Variants in PCDHGC3 observed in about 807,000 individuals in gnomAD.
The protein encoded by PCDHGC3 is protocadherin gamma-C3.
In PCDHGC3, 26 loss-of-function variants were observed where a neutral mutation model predicts 59.2. That is an observed-to-expected ratio of 0.44 (90% CI 0.32 to 0.61). PCDHGC3 has a LOEUF of 0.61. PCDHGC3 is among the 20% of genes least tolerant of loss of function. The pLI is 0.05. For synonymous variants in PCDHGC3, 487 were observed against 519.7 expected (o/e 0.94, Z 0.86); for missense variants, 1,080 against 1,221.8 (o/e 0.88, Z 1.73).
chr5:141,478,612 G>A (rs1311028260), intron 1 of PCDHGC3, 66 bp downstream of exon 1: 2 of 1,558,218 alleles, frequency 1.3e-6, no homozygotes, highest in African/African-American at 1.4e-5. Flanking sequence ...TATTGAGGAA[G>A]GAATGGAGCT....
chr5:141,482,404 A>C (rs1262544355), intron 1 of PCDHGC3, among the ~76,000 whole-genome samples: 1 of 152,076 alleles, frequency 6.6e-6, no homozygotes, highest in Non-Finnish European at 1.5e-5. Flanking sequence ...GTACTCAATA[A>C]CTATTTGTTG....
rs2099634686 is a variant in PCDHGC3 at position 141,486,772 on chromosome 5, T to G, written c.2431-8035T>G. 1 of 1,614,246 alleles carries G rather than the reference T, an allele frequency of 6.2e-7. No individual in the cohort carries two copies. The highest frequency in any genetic ancestry group is 8.5e-7 in the Non-Finnish European group (1 of 1,180,042). Reference sequence around the variant, plus strand: ...ATGAGCAAACCCAGACACTGCAGTTTGAGGTGCAGGCCCGGGATCGGGGCA... The same window carrying G: ...ATGAGCAAACCCAGACACTGCAGTTGGAGGTGCAGGCCCGGGATCGGGGCA... On this transcript the variant is annotated intron_variant, in intron 1 of 3. Coordinates refer to ENST00000308177, the MANE Select transcript of PCDHGC3 (RefSeq NM_002588.4). This position sits in a 1 kb window ranked among gnomAD's most constrained non-coding sequence, Gnocchi z 5.0.
Position 141,476,657 on chromosome 5 carries a change from G to A in PCDHGC3, c.541G>A (p.Ala181Thr), listed in dbSNP as rs759887729. Residue 181 changes from alanine to threonine, a missense_variant, in exon 1 of 4, where the codon GCG (alanine) becomes ACG (threonine). By Grantham distance (58) the Ala-to-Thr change is moderately conservative (BLOSUM62 0). Coordinates refer to ENST00000308177, the MANE Select transcript of PCDHGC3 (RefSeq NM_002588.4). This position sits in a 1 kb window ranked among gnomAD's most constrained non-coding sequence, Gnocchi z 7.6. ...TGAGCTGAGCCGAAATGAATACTTTGCGCTTCGCGTGCAGACGCGGGAGGA... is the reference window on the plus strand; with the variant it reads ...TGAGCTGAGCCGAAATGAATACTTTACGCTTCGCGTGCAGACGCGGGAGGA... ...TYELSRNEYF[A>T]LRVQTREDST... 1.9e-6 allele frequency: 3 copies of A among 1,614,140 alleles called. No homozygotes were observed. Among genetic ancestry groups the A allele is most frequent in the Non-Finnish European group, 2.5e-6 (3 of 1,180,060 alleles).
At chr5:141,481,560 G>A (rs1594155886) in intron 1 of PCDHGC3, among the ~76,000 whole-genome samples, 1 of 152,212 alleles carries the variant, frequency 6.6e-6, no homozygotes, top group Non-Finnish European at 1.5e-5. Flanking sequence ...GCTCACGCCT[G>A]TAATCCCAGT....
At position 141,486,891 on chromosome 5, in the gene PCDHGC3, G is replaced by A. The variant is rs201201426; in HGVS notation, c.2431-7916G>A. 38 of 1,614,118 alleles carry A rather than the reference G, an allele frequency of 2.4e-5. No individual in the cohort carries two copies. The highest frequency in any genetic ancestry group is 3.1e-5 in the Non-Finnish European group (37 of 1,180,064). Reference sequence around the variant, plus strand: ...GTGCTCCGTCCTCGGGCCCGGCCTGGTTCCTTATGTCCCCAAGCACTGCCT... The same window carrying A: ...GTGCTCCGTCCTCGGGCCCGGCCTGATTCCTTATGTCCCCAAGCACTGCCT... On this transcript the variant is annotated intron_variant, in intron 1 of 3. Coordinates refer to ENST00000308177, the MANE Select transcript of PCDHGC3 (RefSeq NM_002588.4). This position sits in a 1 kb window ranked among gnomAD's most constrained non-coding sequence, Gnocchi z 5.0.
At position 141,487,791 on chromosome 5, in the gene PCDHGC3, C is replaced by T; in HGVS notation, c.2431-7016C>T. ...CTTTGTAACTGTTTCGTGAATTAAC[C>T]AGAGTTGTCACAGTTTAGCATTGGG... On this transcript the variant is annotated intron_variant, in intron 1 of 3. Coordinates refer to ENST00000308177, the MANE Select transcript of PCDHGC3 (RefSeq NM_002588.4). This position sits in a 1 kb window ranked among gnomAD's most constrained non-coding sequence, Gnocchi z 5.0. 6.6e-7 allele frequency: 1 copy of T among 1,510,152 alleles called. No individual in the cohort carries two copies. The highest frequency in any genetic ancestry group is 1.4e-5 in the African/African-American group (1 of 72,206). The allele number at this position is 1,510,152 out of a possible 1,614,324, so 93.5% of individuals were successfully genotyped here. A position where few individuals can be genotyped will look rare whatever the true frequency, so the allele number is the denominator to read the frequency against.
In PCDHGC3 at chr5:141,478,423, C is replaced by A. The variant is rs1355847104; in HGVS notation, c.2307C>A (p.Ser769Arg). The A allele has an allele frequency of 6.2e-7, 1 of 1,613,672 alleles. No individual in the cohort carries two copies. The highest frequency in any genetic ancestry group is 1.7e-5 in the Admixed American group (1 of 60,030). Reference sequence around the variant, plus strand: ...ATCTCACCACGGACTCCCGCCGCAGCGACCCGCTGCTGAAGAAACCTGGTG... The same window carrying A: ...ATCTCACCACGGACTCCCGCCGCAGAGACCCGCTGCTGAAGAAACCTGGTG... ...QVYLTTDSRR[S>R]DPLLKKPGAA... Residue 769 changes from serine (S) to arginine (R), a missense_variant, in exon 1 of 4, where the codon AGC becomes AGA. Coordinates refer to ENST00000308177, the MANE Select transcript of PCDHGC3 (RefSeq NM_002588.4).
At chr5:141,498,921 AG>A (rs1289139995) in intron 2 of PCDHGC3, among the ~76,000 whole-genome samples, 1 of 140,074 alleles carries the variant, frequency 7.1e-6, no homozygotes, top group Non-Finnish European at 1.6e-5. Flanking sequence ...TGACAGAGCG[AG>A]ACTCCATCAG....
chr5:141,489,275 A>C lies in PCDHGC3; in HGVS notation c.2431-5532A>C. On this transcript the variant is annotated intron_variant, in intron 1 of 3. Transcript: ENST00000308177. This position sits in a 1 kb window ranked among gnomAD's most constrained non-coding sequence, Gnocchi z 4.5. ...AAGACACTCCCACAGCTCGCTGGGA[A>C]ATGGCAAGTGCTGTGCATGTTGTCC... The C allele has an allele frequency of 4.5e-6, 7 of 1,556,298 alleles. No individual in the cohort carries two copies. Among genetic ancestry groups the C allele is most frequent in the Non-Finnish European group, 6.1e-6 (7 of 1,151,600 alleles).
At position 141,476,011 on chromosome 5, in the gene PCDHGC3, A is replaced by C. The variant is rs1415142555; in HGVS notation, c.-106A>C. On this transcript the variant is annotated 5_prime_UTR_variant, in exon 1 of 4. It removes an upstream start codon present in the reference 5' UTR. Coordinates refer to ENST00000308177, the MANE Select transcript of PCDHGC3 (RefSeq NM_002588.4). This position sits in a 1 kb window ranked among gnomAD's most constrained non-coding sequence, Gnocchi z 7.6. The stretch of plus-strand genomic sequence containing the variant: ...GCAAATCAACGGCATCCAGAAAGCC[A>C]TGTCGGACTCGGCGCCCAGCGCCCA... 2.3e-6 allele frequency: 3 copies of C among 1,311,164 alleles called. No homozygotes were observed. Among genetic ancestry groups the C allele is most frequent in the African/African-American group, 1.5e-5 (1 of 68,020 alleles). 81.2% of individuals were successfully genotyped at this position (1,311,164 alleles called of 1,614,324 possible).
At chr5:141,507,558 G>A (rs573728108) in intron 3 of PCDHGC3, among the ~76,000 whole-genome samples, 57 of 152,346 alleles carry the variant, frequency 3.7e-4, no homozygotes, top group African/African-American at 1.3e-3. Context: ...AGTGGCAGGC[G>A]GCTGGGTCTG....
chr5:141,482,891 G>A (rs1594277958), intron 1 of PCDHGC3, among the ~76,000 whole-genome samples: 2 of 152,168 alleles, frequency 1.3e-5, no homozygotes, highest in East Asian at 3.8e-4. Flanking sequence ...GGCCAACATG[G>A]TGAAACCTCA....
chr5:141,486,671 C>T lies in PCDHGC3; in HGVS notation c.2430+8125C>T, dbSNP rs1307620045. The T allele has an allele frequency of 1.9e-6, 3 of 1,613,926 alleles. No homozygotes were observed. Among genetic ancestry groups the T allele is most frequent in the South Asian group, 1.1e-5 (1 of 91,078 alleles). On this transcript the variant is annotated intron_variant, in intron 1 of 3. Coordinates refer to ENST00000308177, the MANE Select transcript of PCDHGC3 (RefSeq NM_002588.4). This position sits in a 1 kb window ranked among gnomAD's most constrained non-coding sequence, Gnocchi z 5.0. Reference sequence around the variant, plus strand: ...CTACTCACTCCTGGAGCCCAGGAATCGAGATGTATCAGCTTCCTCTTTCAT... The same window carrying T: ...CTACTCACTCCTGGAGCCCAGGAATTGAGATGTATCAGCTTCCTCTTTCAT...
chr5:141,492,037 C>A (rs556842734), intron 1 of PCDHGC3: 94 of 538,798 alleles, frequency 1.7e-4, no homozygotes, highest in Non-Finnish European at 2.5e-4. Flanking sequence ...AGGAGGCAGT[C>A]ACAGATCCAC....
In PCDHGC3 at chr5:141,486,269, G is replaced by T; in HGVS notation, c.2430+7723G>T. 6.2e-7 allele frequency: 1 copy of T among 1,613,996 alleles called. No homozygotes were observed. The highest frequency in any genetic ancestry group is 8.5e-7 in the Non-Finnish European group (1 of 1,179,956). On this transcript the variant is annotated intron_variant, in intron 1 of 3. Transcript: ENST00000308177. The surrounding 1 kb of genome is among the most constrained non-coding windows in gnomAD (Gnocchi z 5.0). ...AACCCTCCCCGAGAGTGCAGAACCT[G>T]GCACTGTGGTGGCACTTATCAGTGT...
In PCDHGC3 at chr5:141,476,908, A is replaced by G. The variant is rs754076231; in HGVS notation, c.792A>G (p.Val264=). 6.2e-7 allele frequency: 1 copy of G among 1,614,050 alleles called. No individual in the cohort carries two copies. The highest frequency in any genetic ancestry group is 8.5e-7 in the Non-Finnish European group (1 of 1,180,038). The change falls in exon 1 of 4, where the codon GTA becomes GTG. Residue 264 remains valine, a synonymous_variant. Coordinates refer to ENST00000308177, the MANE Select transcript of PCDHGC3 (RefSeq NM_002588.4). This position sits in a 1 kb window ranked among gnomAD's most constrained non-coding sequence, Gnocchi z 7.6. ...LEDAPSGTRV[V]QVLATDLDEG... ...ATGCACCCTCCGGCACGCGCGTGGT[A>G]CAAGTCCTTGCAACGGATCTGGATG...
Position 141,477,071 on chromosome 5 carries a change from G to T in PCDHGC3, c.955G>T (p.Glu319Ter). 6.2e-7 allele frequency: 1 copy of T among 1,614,226 alleles called. No individual in the cohort carries two copies. The highest frequency in any genetic ancestry group is 8.5e-7 in the Non-Finnish European group (1 of 1,180,030). ...GGACTTCGAGGACACCAAACTCCAT[G>T]AGATTTACATCCAGGCCAAAGACAA... is the stretch of plus-strand genomic sequence containing the variant. ...RLDFEDTKLH[E>*]IYIQAKDKGA... The change falls in exon 1 of 4, where the codon GAG (glutamate) becomes TAG (stop). Residue 319 changes from glutamate (E) to a stop codon, truncating the protein, a stop_gained. Coordinates refer to ENST00000308177, the MANE Select transcript of PCDHGC3 (RefSeq NM_002588.4). LOFTEE classifies it high-confidence loss of function. This position sits in a 1 kb window ranked among gnomAD's most constrained non-coding sequence, Gnocchi z 4.9.
In PCDHGC3 at chr5:141,487,906, AGCACAGGAGGCTACAGT is replaced by A. The variant is rs2099668744; in HGVS notation, c.2431-6893_2431-6877del. ...TGGAAGCATGATGATGGAATGTGGG[AGCACAGGAGGCTACAGT>A]GCACAGGGTACAGTGCACCAGGCAG... On this transcript the variant is annotated intron_variant, in intron 1 of 3. Coordinates refer to ENST00000308177, the MANE Select transcript of PCDHGC3 (RefSeq NM_002588.4). The surrounding 1 kb of genome is among the most constrained non-coding windows in gnomAD (Gnocchi z 5.0). The A allele has an allele frequency of 8.7e-6, 6 of 686,524 alleles. No homozygotes were observed. The East Asian group carries it at 1.6e-4, about 19-fold the overall frequency. The allele number at this position is 686,524 out of a possible 1,614,324, so 42.5% of individuals were successfully genotyped here.
At chr5:141,496,178 C>T (rs1481326898) in intron 2 of PCDHGC3, among the ~76,000 whole-genome samples, 2 of 152,080 alleles carry the variant, frequency 1.3e-5, no homozygotes, top group Admixed American at 1.3e-4. Flanking sequence ...CCCATCCAAG[C>T]AGCCCCAGCT....
Sources: allele counts gnomAD v4.1 joint callset (sites outside exome capture counted in the v4.1 genomes callset), GRCh38; gene constraint gnomAD v4.1.1; non-coding constraint Gnocchi (gnomAD v3.1); transcripts MANE v1.5; gene names NCBI Gene and HGNC (gene_info 2026-07-23, HGNC 2026-07-21).